The following TMEM131L variants were observed in gnomAD, a reference collection of about 807,000 sequenced individuals.
TMEM131L encodes the protein transmembrane protein 131-like.
TMEM131L carries 54 observed loss-of-function variants against 192.2 expected under a neutral mutation model. That is an observed-to-expected ratio of 0.28 (90% CI 0.23 to 0.35). The LOEUF (loss-of-function observed/expected upper bound fraction) is 0.35. Ranked by LOEUF, TMEM131L falls within the 10% of genes least tolerant of loss-of-function variation. The probability of loss-of-function intolerance (pLI) is 1.00; values close to 1 mark genes in which losing one functional copy is unlikely to be tolerated. For missense variants in TMEM131L, 1,888 were observed against 1,972.9 expected (o/e 0.96, Z 0.82); for synonymous variants, 701 against 704.9 (o/e 0.99, Z 0.09).
At chr4:153,561,913 T>A (rs911535442) in intron 7 of TMEM131L, among the ~76,000 whole-genome samples, 1 of 152,104 alleles carries the variant, frequency 6.6e-6, no homozygotes, top group Admixed American at 6.5e-5. Context: ...TGAAACTTAA[T>A]TTTTTTGGCT....
At chr4:153,494,571 G>A (rs1209741024) in intron 3 of TMEM131L, among the ~76,000 whole-genome samples, 2 of 152,160 alleles carry the variant, frequency 1.3e-5, no homozygotes, top group African/African-American at 2.4e-5. Flanking sequence ...GGAAACAGAC[G>A]TTTAGACATA....
chr4:153,598,685 C>T lies in TMEM131L; in HGVS notation c.2219C>T (p.Ser740Leu), dbSNP rs1376797933. ...VGGRLPGAGGSLRFKVPESTL... is the reference protein window; with the variant it reads ...VGGRLPGAGGLLRFKVPESTL... ...GGAAGACTTCCTGGTGCAGGAGGCT[C>T]ACTCCGATTTAAGGTGCCCGAGTCC... Residue 740 changes from serine (S) to leucine (L), a missense_variant, in exon 21 of 35, where the codon TCA becomes TTA. Ser to Leu is a moderately radical substitution (Grantham distance 145). Transcript: ENST00000409959. 1 of 1,613,958 alleles carries T rather than the reference C, an allele frequency of 6.2e-7. No individual in the cohort carries two copies. The highest frequency in any genetic ancestry group is 1.3e-5 in the African/African-American group (1 of 74,982).
intron 2 of TMEM131L, 24 bp downstream of exon 2, chr4:153,467,305 C>A (rs1177806016): frequency 1.9e-6 from 3 of 1,546,660 alleles, no homozygotes; most frequent in Non-Finnish European, 2.6e-6. Context: ...GGTGACAGGG[C>A]GGCTGTGGGT....
chr4:153,488,525 TGCCACTTACAG>T (rs1318014590), intron 3 of TMEM131L, among the ~76,000 whole-genome samples: 2 of 152,154 alleles, frequency 1.3e-5, no homozygotes, highest in Non-Finnish European at 2.9e-5. Flanking sequence ...GCCTGTTGTG[TGCCACTTACAG>T]GGGAGAAGGG....
At chr4:153,466,904 A>G (rs1040201141) in intron 1 of TMEM131L, among the ~76,000 whole-genome samples, 4 of 152,046 alleles carry the variant, frequency 2.6e-5, no homozygotes, top group African/African-American at 9.7e-5. Context: ...TCCACACTCC[A>G]GATGCTCGGG....
At chr4:153,478,179 A>C (rs1285992360) in intron 3 of TMEM131L, among the ~76,000 whole-genome samples, 1 of 152,180 alleles carries the variant, frequency 6.6e-6, no homozygotes, top group Non-Finnish European at 1.5e-5. Context: ...TGTGTAAAGA[A>C]ATGATCATGA....
rs527623154 is a variant in TMEM131L, at chr4:153,510,915, C to T, written c.239+37027C>T. On this transcript the variant is annotated intron_variant, in intron 3 of 34. Coordinates refer to ENST00000409959, the MANE Select transcript of TMEM131L (RefSeq NM_001131007.2). ...AAAAAAAACAAGAAAAGAAAAAAAC[C>T]GGAAAGATGACTTAATCAAGTGGTC... is the stretch of plus-strand genomic sequence containing the variant. Among the ~76,000 whole-genome samples, 9 of 151,722 alleles carry T rather than the reference C, an allele frequency of 5.9e-5. No individual in the cohort carries two copies. The South Asian group carries it at 1.0e-3, about 18-fold the overall frequency.
Position 153,581,503 on chromosome 4 carries a change from C to T in TMEM131L, c.835C>T (p.His279Tyr). The stretch of plus-strand genomic sequence containing the variant: ...AAAAGAATTTGAAGAAAACACACAA[C>T]ATTTGTTAGATCATCTCTCTATTGT... ...FSKEFEENTQ[H>Y]LLDHLSIVYV... Residue 279 changes from histidine to tyrosine, a missense_variant, in exon 9 of 35, where the codon CAT becomes TAT. Physicochemically the swap from His to Tyr is moderately conservative, Grantham distance 83. Transcript: ENST00000409959. 6.2e-7 allele frequency: 1 copy of T among 1,603,956 alleles called. No homozygotes were observed.
At chr4:153,484,510 C>T (rs1335222700) in intron 3 of TMEM131L, among the ~76,000 whole-genome samples, 1 of 150,796 alleles carries the variant, frequency 6.6e-6, no homozygotes, top group Non-Finnish European at 1.5e-5. Flanking sequence ...GCTCTGCCAC[C>T]CAGGCTGGAG....
At chr4:153,528,026 G>A (rs747803045) in intron 3 of TMEM131L, among the ~76,000 whole-genome samples, 1 of 152,126 alleles carries the variant, frequency 6.6e-6, no homozygotes, top group African/African-American at 2.4e-5. Context: ...TTTCCTCACC[G>A]TCTGGTCTGA....
chr4:153,522,872 T>C (rs1486601404), intron 3 of TMEM131L, among the ~76,000 whole-genome samples: 3 of 152,154 alleles, frequency 2.0e-5, no homozygotes, highest in Non-Finnish European at 4.4e-5. Context: ...GCCCACAGAC[T>C]ACTTTGAGCA....
intron 3 of TMEM131L, among the ~76,000 whole-genome samples, chr4:153,512,349 G>A (rs1020361783): frequency 1.3e-5 from 2 of 152,200 alleles, no homozygotes; most frequent in Non-Finnish European, 2.9e-5. Flanking sequence ...ACAAAGATGT[G>A]AAGAACTGTG....
rs946755085 is a variant in TMEM131L, at chr4:153,621,911, G to A, written c.3859+62G>A. 5 of 1,498,646 alleles carry A rather than the reference G, an allele frequency of 3.3e-6. No homozygotes were observed. The South Asian group carries it at 4.7e-5, about 14-fold the overall frequency. The allele number at this position is 1,498,646 out of a possible 1,614,324, so 92.8% of individuals were successfully genotyped here. A position where few individuals can be genotyped will look rare whatever the true frequency, so the allele number is the denominator to read the frequency against. On this transcript the variant is annotated intron_variant, in intron 28 of 34. Transcript: ENST00000409959. ...TGGGAATTTTTGTTTCCTCAATGAA[G>A]TATCTAATAAGAGAAATGACACCTC...
chr4:153,562,617 G>A (rs1008272907), intron 7 of TMEM131L, among the ~76,000 whole-genome samples: 1 of 152,178 alleles, frequency 6.6e-6, no homozygotes, highest in African/African-American at 2.4e-5. Context: ...GGGAGTTAGT[G>A]GATTGAGGAG....
rs749145054 is a variant in TMEM131L, at chr4:153,550,044, C to T, written c.240-29C>T. On this transcript the variant is annotated intron_variant, in intron 3 of 34. Transcript: ENST00000409959. The stretch of plus-strand genomic sequence containing the variant: ...CAGCATTTAAATGTTAAAACTACAA[C>T]AAAATCAACCTCTCTTTTCTTTTTT... 18 of 1,245,738 alleles carry T rather than the reference C, an allele frequency of 1.4e-5. No homozygotes were observed. The African/African-American group carries it at 2.5e-4, about 17-fold the overall frequency. 77.2% of individuals were successfully genotyped at this position (1,245,738 alleles called of 1,614,324 possible).
intron 7 of TMEM131L, among the ~76,000 whole-genome samples, chr4:153,562,756 C>T (rs1728927593): frequency 6.6e-6 from 1 of 152,204 alleles, no homozygotes; most frequent in Non-Finnish European, 1.5e-5. Flanking sequence ...AATATGTCAT[C>T]AGCTTTTCTT....
chr4:153,604,012 G>A lies in TMEM131L; in HGVS notation c.3000G>A (p.Thr1000=), dbSNP rs1332787923. Residue 1000 remains threonine, a synonymous_variant, in exon 25 of 35, where the codon ACG becomes ACA. Coordinates refer to ENST00000409959, the MANE Select transcript of TMEM131L (RefSeq NM_001131007.2). ...TSTAAASSTS[T]TTEEKQTSPL... ...CAGCTGCGGCCAGCAGCACCAGCAC[G>A]ACTACTGAGGAAAAACAGACTTCAC... 3.1e-6 allele frequency: 5 copies of A among 1,614,064 alleles called. No homozygotes were observed. The highest frequency in any genetic ancestry group is 1.1e-5 in the South Asian group (1 of 91,064).
At chr4:153,598,901 A>G (rs969981357) in intron 21 of TMEM131L, among the ~76,000 whole-genome samples, 169 bp downstream of exon 21, 3 of 152,352 alleles carry the variant, frequency 2.0e-5, no homozygotes, top group African/African-American at 7.2e-5. Context: ...ACATTTGTGC[A>G]TATATAGGCT....
intron 3 of TMEM131L, among the ~76,000 whole-genome samples, chr4:153,512,763 G>T (rs894646131): frequency 5.3e-5 from 8 of 152,114 alleles, no homozygotes; most frequent in African/African-American, 1.9e-4. Context: ...ACAGGCTCGA[G>T]CCACCAAGCT....
Sources: allele counts gnomAD v4.1 joint callset (sites outside exome capture counted in the v4.1 genomes callset), GRCh38; gene constraint gnomAD v4.1.1; transcripts MANE v1.5; gene names NCBI Gene and HGNC (gene_info 2026-07-23, HGNC 2026-07-21).